The following MEGF6 variants were observed in gnomAD, a reference collection of about 807,000 sequenced individuals.
MEGF6 encodes multiple epidermal growth factor-like domains protein 6.
MEGF6 carries 184 observed loss-of-function variants against 207.1 expected under a neutral mutation model. That is an observed-to-expected ratio of 0.89 (90% CI 0.79 to 1.00). The LOEUF is 1.00. Ranked by LOEUF, MEGF6 falls within the 50% of genes least tolerant of loss-of-function variation. The pLI is 0.00. For synonymous variants in MEGF6, 1,038 were observed against 910.0 expected, an observed-to-expected ratio of 1.14 and a Z score of -2.53; for missense variants, 2,282 against 2,202.9, an observed-to-expected ratio of 1.04 and a Z score of -0.72.
intron 4 of MEGF6, among the ~76,000 whole-genome samples, chr1:3,541,231 G>C (rs901567632): frequency 1.3e-5 from 2 of 152,222 alleles, no homozygotes; most frequent in African/African-American, 4.8e-5. Context: ...GAGCGTCACA[G>C]AGCGGGGCTG....
intron 4 of MEGF6, among the ~76,000 whole-genome samples, chr1:3,536,434 G>C (rs897453938): frequency 3.9e-5 from 6 of 152,122 alleles, no homozygotes; most frequent in African/African-American, 1.4e-4. Context: ...TGAAGCTCTG[G>C]GGTGCGGAGG....
intron 17 of MEGF6, 150 bp downstream of exon 17, chr1:3,505,058 G>A: frequency 8.9e-7 from 1 of 1,119,964 alleles, no homozygotes; most frequent in Non-Finnish European, 1.3e-6. Context: ...CGGTAGCAAG[G>A]CAACACCGGT....
Position 3,582,973 on chromosome 1 carries a change from C to T in MEGF6, c.377-3044G>A, listed in dbSNP as rs923417601. Among the ~76,000 whole-genome samples the T allele has an allele frequency of 2.6e-5, 4 of 152,236 alleles. No individual in the cohort carries two copies. The East Asian group carries it at 5.8e-4, about 22-fold the overall frequency. ...TTGATCGCTGTCACGCACCCAGTTC[C>T]GACACGCAGGTGCACCAGCAAGCTT... On this transcript the variant is annotated intron_variant, in intron 3 of 36. Coordinates refer to ENST00000356575, the MANE Select transcript of MEGF6 (RefSeq NM_001409.4).
intron 4 of MEGF6, chr1:3,531,184 A>G: frequency 1.3e-6 from 2 of 1,521,334 alleles, no homozygotes; most frequent in South Asian, 1.2e-5. Flanking sequence ...GACGCGCGCC[A>G]GGCCCCCCAG....
chr1:3,601,702 T>C (rs1644161793), intron 2 of MEGF6, among the ~76,000 whole-genome samples: 1 of 152,180 alleles, frequency 6.6e-6, no homozygotes, highest in Admixed American at 6.5e-5. Flanking sequence ...TGCTTAACGG[T>C]TTTTTTCTCC....
At chr1:3,541,512 C>T (rs915891611) in intron 4 of MEGF6, among the ~76,000 whole-genome samples, 4 of 152,230 alleles carry the variant, frequency 2.6e-5, no homozygotes, top group Non-Finnish European at 5.9e-5. Flanking sequence ...GACATGCGGG[C>T]ACCTGGCCTG....
At position 3,579,922 on chromosome 1, in the gene MEGF6, G is replaced by A; in HGVS notation, c.384C>T (p.Cys128=). ...CACCGTGAAAACAGAGGCTGGCGCT[G>A]CATTCAGCTGCGGAGGGAAGGAGAA... ...PDEEGCLSAE[C]SASLCFHGGR... The change falls in exon 4 of 37, where the codon TGC becomes TGT. Residue 128 remains cysteine, a synonymous_variant. Transcript: ENST00000356575. 2 of 1,524,544 alleles carry A rather than the reference G, an allele frequency of 1.3e-6. No homozygotes were observed. Among genetic ancestry groups the A allele is most frequent in the South Asian group, 1.3e-5 (1 of 77,856 alleles). The allele number at this position is 1,524,544 out of a possible 1,614,324, so 94.4% of individuals were successfully genotyped here.
chr1:3,509,197 C>T lies in MEGF6; in HGVS notation c.1406G>A (p.Arg469Gln), dbSNP rs758378302. The stretch of plus-strand genomic sequence containing the variant: ...GAGCACGGCAATGTGGGGCAGGGGC[C>T]GCACGAAAGGCAGCTCGCCGTCCAG... Reference protein sequence around the residue: ...VDLDGELPFVRPLPHIAVLQD... With the variant: ...VDLDGELPFVQPLPHIAVLQD... Residue 469 changes from arginine to glutamine, a missense_variant, in exon 12 of 37, where the codon CGG becomes CAG. Transcript: ENST00000356575. 6.4e-6 allele frequency: 10 copies of T among 1,567,632 alleles called. No individual in the cohort carries two copies. The Admixed American group carries it at 7.5e-5, about 12-fold the overall frequency.
At chr1:3,544,511 C>T (rs1450381886) in intron 4 of MEGF6, among the ~76,000 whole-genome samples, 1 of 152,196 alleles carries the variant, frequency 6.6e-6, no homozygotes, top group Non-Finnish European at 1.5e-5. Context: ...CACGCAGCAT[C>T]CTGGGTCACC....
At chr1:3,512,391 T>C (rs1426089898) in intron 7 of MEGF6, among the ~76,000 whole-genome samples, 1 of 152,224 alleles carries the variant, frequency 6.6e-6, no homozygotes, top group Non-Finnish European at 1.5e-5. Flanking sequence ...ACTTTCCTGG[T>C]GTCAGTGAGG....
At chr1:3,496,403 G>A (rs777115238) in intron 29 of MEGF6, among the ~76,000 whole-genome samples, 12 of 152,386 alleles carry the variant, frequency 7.9e-5, no homozygotes, top group South Asian at 4.1e-4. Flanking sequence ...CAGACATGGC[G>A]CAGGTCGCCG....
intron 4 of MEGF6, among the ~76,000 whole-genome samples, chr1:3,538,514 G>C (rs1405743675): frequency 1.3e-5 from 2 of 152,212 alleles, no homozygotes; most frequent in Non-Finnish European, 2.9e-5. Flanking sequence ...CCCTGGCTGG[G>C]GCCAGGCAGA....
intron 9 of MEGF6, 109 bp downstream of exon 9, chr1:3,511,439 CAG>C: frequency 7.5e-7 from 1 of 1,338,660 alleles, no homozygotes; most frequent in Non-Finnish European, 1.0e-6. Context: ...GACCAGGACT[CAG>C]GGAGACTGAC....
Position 3,499,163 on chromosome 1 carries a change from G to T in MEGF6, c.3069C>A (p.Gly1023=). The change falls in exon 24 of 37, where the codon GGC becomes GGA. Residue 1023 remains glycine, a synonymous_variant. Coordinates refer to ENST00000356575, the MANE Select transcript of MEGF6 (RefSeq NM_001409.4). Reference sequence around the variant, plus strand: ...CCTGCAGGCAGGAGGGCCCCATCCAGCCAGGGGCACAGTGGCACTGCCCGT... The same window carrying T: ...CCTGCAGGCAGGAGGGCCCCATCCATCCAGGGGCACAGTGGCACTGCCCGT... The part of the protein sequence containing the change: ...PVHGQCHCAP[G]WMGPSCLQAC... 2 of 1,604,290 alleles carry T rather than the reference G, an allele frequency of 1.2e-6. No homozygotes were observed. The highest frequency in any genetic ancestry group is 1.7e-6 in the Non-Finnish European group (2 of 1,176,768).
rs182901853 is a variant in MEGF6, at chr1:3,550,950, G to C, written c.482-26704C>G. On this transcript the variant is annotated intron_variant, in intron 4 of 36. Transcript: ENST00000356575. Reference sequence around the variant, plus strand: ...AGCCGCCAGGTGTGGACAGGGCCAGGATCCGAGGCTCCAGCCGGCCAGGGC... The same window carrying C: ...AGCCGCCAGGTGTGGACAGGGCCAGCATCCGAGGCTCCAGCCGGCCAGGGC... Among the ~76,000 whole-genome samples the C allele has an allele frequency of 7.6e-3, 1,151 of 152,368 alleles. 12 individuals are homozygous for C. Among genetic ancestry groups the C allele is most frequent in the African/African-American group, 0.024 (1,018 of 41,594 alleles).
chr1:3,564,764 T>C (rs374820684), intron 4 of MEGF6, among the ~76,000 whole-genome samples: 2 of 152,268 alleles, frequency 1.3e-5, no homozygotes, highest in South Asian at 2.1e-4. Context: ...AAACCCACTC[T>C]GCACCAGGCT....
chr1:3,621,277 A>T, the MEGF6 span, among the ~76,000 whole-genome samples: 1 of 152,314 alleles, frequency 6.6e-6, no homozygotes, highest in Non-Finnish European at 1.5e-5. Context: ...CCACTAGACC[A>T]CGGTCCGCTT....
chr1:3,585,254 T>G (rs950436746), intron 3 of MEGF6, among the ~76,000 whole-genome samples: 1 of 144,026 alleles, frequency 6.9e-6, no homozygotes, highest in Non-Finnish European at 1.5e-5. Context: ...GAGTGACATA[T>G]GTCCTGTGTG....
At chr1:3,614,208 C>T (rs1049346886), upstream of MEGF6, among the ~76,000 whole-genome samples, 1 of 152,202 alleles carries the variant, frequency 6.6e-6, no homozygotes, top group Non-Finnish European at 1.5e-5. Flanking sequence ...GCCCCTGGGG[C>T]TGTCCGTGCC....
Sources: gnomAD v4.1 joint callset for allele counts (sites outside exome capture counted in the v4.1 genomes callset) on GRCh38, gnomAD v4.1.1 for gene constraint, MANE v1.5 for transcripts, NCBI Gene and HGNC (gene_info 2026-07-23, HGNC 2026-07-21) for gene names.